The following SLC38A12 variants were observed in gnomAD, a reference collection of about 807,000 sequenced individuals.
SLC38A12 encodes putative sodium-coupled neutral amino acid transporter 12.
At chr17:74,813,802 C>T in the SLC38A12 span, among the ~76,000 whole-genome samples, 1 of 152,280 alleles carries the variant, frequency 6.6e-6, no homozygotes, top group East Asian at 1.9e-4. Context: ...TGCCTGGCCT[C>T]CTGTCTCCCC....
At chr17:74,785,524 G>A in the SLC38A12 span, 13 of 1,614,130 alleles carry the variant, frequency 8.1e-6, no homozygotes, top group South Asian at 8.8e-5. Context: ...GGGCACGGGC[G>A]CACTCACCAT....
At chr17:74,805,753 C>T in the SLC38A12 span, among the ~76,000 whole-genome samples, 2 of 152,220 alleles carry the variant, frequency 1.3e-5, no homozygotes, top group African/African-American at 4.8e-5. This position sits in a 1 kb window ranked among gnomAD's most constrained non-coding sequence, Gnocchi z 5.0. Flanking sequence ...TTGCTTCCTC[C>T]AGCTCCTGCT....
At chr17:74,799,019 G>A in the SLC38A12 span, among the ~76,000 whole-genome samples, 4 of 41,960 alleles carry the variant, frequency 9.5e-5, no homozygotes, top group Middle Eastern at 8.3e-3. Flanking sequence ...GGATGCAGGC[G>A]TGTGTCACTC....
chr17:74,801,360 C>G, the SLC38A12 span, among the ~76,000 whole-genome samples: 1 of 152,234 alleles, frequency 6.6e-6, no homozygotes, highest in Non-Finnish European at 1.5e-5. Context: ...CCCACCACCA[C>G]CAGGAGCTGG....
At chr17:74,777,454 G>A in the SLC38A12 span, 6 of 1,602,472 alleles carry the variant, frequency 3.7e-6, no homozygotes, top group East Asian at 1.1e-4. Flanking sequence ...CTGGAGATGG[G>A]ACTAGTGAGT....
chr17:74,795,799 G>A, the SLC38A12 span, among the ~76,000 whole-genome samples: 15 of 152,298 alleles, frequency 9.8e-5, no homozygotes, highest in Middle Eastern at 3.4e-3. Context: ...GAAATGGATC[G>A]TGTCACTAAG....
the SLC38A12 span, among the ~76,000 whole-genome samples, chr17:74,817,773 G>A: frequency 7.2e-5 from 11 of 152,218 alleles, no homozygotes; most frequent in South Asian, 1.2e-3. Context: ...TCTGCTGTCC[G>A]TCTATTTTTA....
chr17:74,836,483 G>A, the SLC38A12 span: 730 of 1,610,310 alleles, frequency 4.5e-4, 1 homozygote, highest in African/African-American at 8.1e-3. The surrounding 1 kb of genome is among the most constrained non-coding windows in gnomAD (Gnocchi z 4.2). Flanking sequence ...GGGCCTACGC[G>A]GGCACCGGCA....
At chr17:74,789,939 TC>T in the SLC38A12 span, among the ~76,000 whole-genome samples, 4 of 134,314 alleles carry the variant, frequency 3.0e-5, no homozygotes, top group Non-Finnish European at 4.8e-5. Flanking sequence ...TTTCTCTCTT[TC>T]TTTTTTGTTT....
chr17:74,784,719 G>A, the SLC38A12 span, among the ~76,000 whole-genome samples: 1 of 152,240 alleles, frequency 6.6e-6, no homozygotes, highest in South Asian at 2.1e-4. Context: ...GGGAATCATT[G>A]TAAACTGTGG....
At chr17:74,797,449 C>T in the SLC38A12 span, among the ~76,000 whole-genome samples, 8 of 152,204 alleles carry the variant, frequency 5.3e-5, no homozygotes, top group Non-Finnish European at 1.0e-4. Context: ...TGGCTGCCCA[C>T]GAGAGCCTTT....
the SLC38A12 span, chr17:74,790,286 C>G: frequency 6.2e-7 from 1 of 1,614,036 alleles, no homozygotes; most frequent in Non-Finnish European, 8.5e-7. Context: ...AGCGGCCCAT[C>G]CTGTCTGTGC....
At chr17:74,820,795 A>ATC in the SLC38A12 span, among the ~76,000 whole-genome samples, 87 of 152,062 alleles carry the variant, frequency 5.7e-4, 3 homozygotes, top group South Asian at 0.015. Context: ...TTCTACCCTC[A>ATC]TCCAGACTCT....
At chr17:74,837,359 A>G in the SLC38A12 span, 272 of 985,516 alleles carry the variant, frequency 2.8e-4, 10 homozygotes, top group Admixed American at 0.016. Flanking sequence ...AGCAGGCTGG[A>G]TGGAGCATCC....
At chr17:74,806,437 A>G in the SLC38A12 span, among the ~76,000 whole-genome samples, 1 of 152,172 alleles carries the variant, frequency 6.6e-6, no homozygotes, top group Admixed American at 6.5e-5. Flanking sequence ...ATAAATACTA[A>G]AAGAGCTGTT....
At chr17:74,839,059 C>T in the SLC38A12 span, 1 of 1,535,602 alleles carries the variant, frequency 6.5e-7, no homozygotes, top group Non-Finnish European at 8.7e-7. Context: ...TGGGAGTAAA[C>T]TTTCTTTGCC....
At chr17:74,822,507 CATT>C in the SLC38A12 span, among the ~76,000 whole-genome samples, 1 of 152,218 alleles carries the variant, frequency 6.6e-6, no homozygotes, top group East Asian at 1.9e-4. Context: ...TTGGTGGTGA[CATT>C]GTTGTCTTAG....
the SLC38A12 span, among the ~76,000 whole-genome samples, chr17:74,832,740 G>T: frequency 2.0e-5 from 3 of 152,240 alleles, no homozygotes; most frequent in South Asian, 4.1e-4. Flanking sequence ...AGCCCACATG[G>T]CCCTGCAGCT....
At chr17:74,831,644 G>A in the SLC38A12 span, among the ~76,000 whole-genome samples, 2 of 152,210 alleles carry the variant, frequency 1.3e-5, no homozygotes, top group Non-Finnish European at 2.9e-5. Context: ...GGGTGGATGT[G>A]GATGCGGATG....
Sources: allele counts gnomAD v4.1 joint callset (sites outside exome capture counted in the v4.1 genomes callset), GRCh38; gene constraint gnomAD v4.1.1; non-coding constraint Gnocchi (gnomAD v3.1); transcripts MANE v1.5; gene names NCBI Gene and HGNC (gene_info 2026-07-23, HGNC 2026-07-21).